The following PDE10A variants were observed in gnomAD, a reference collection of about 807,000 sequenced individuals.
PDE10A encodes the protein cAMP and cAMP-inhibited cGMP 3',5'-cyclic phosphodiesterase 10A.
In PDE10A, 39 loss-of-function variants were observed where a neutral mutation model predicts 97.7. The ratio of observed to expected loss-of-function variants is 0.40; its 90% confidence interval spans 0.31 to 0.52. The LOEUF (loss-of-function observed/expected upper bound fraction) is 0.52. PDE10A is among the 20% of genes least tolerant of loss of function. The pLI, the probability that PDE10A is intolerant of heterozygous loss-of-function variation, is 0.56. For missense variants in PDE10A, 731 were observed against 1,047.8 expected (o/e 0.70, Z 4.17); for synonymous variants, 371 against 376.8 (o/e 0.98, Z 0.18).
chr6:165,467,506 G>T (rs1236218143), intron 3 of PDE10A, among the ~76,000 whole-genome samples: 1 of 152,120 alleles, frequency 6.6e-6, no homozygotes, highest in Admixed American at 6.5e-5. Context: ...GGGCCCATAA[G>T]AATTATGCTA....
chr6:165,672,637 G>T (rs772968487), intron 1 of PDE10A, among the ~76,000 whole-genome samples: 6 of 152,126 alleles, frequency 3.9e-5, no homozygotes, highest in Non-Finnish European at 5.9e-5. Context: ...TAGTGCTAAG[G>T]GGAAACCCCT....
At position 165,328,254 on chromosome 6, in the gene PDE10A, G is replaced by A. The variant is rs1445822400; in HGVS notation, c.*4771C>T. On this transcript the variant is annotated 3_prime_UTR_variant, in exon 22 of 22. Coordinates refer to ENST00000539869, the MANE Select transcript of PDE10A (RefSeq NM_001385079.1). Reference sequence around the variant, plus strand: ...CTATCAGAGATACAGCATAGGACTGGGTATTAAGGTGACTAAAGAAAAAGA... The same window carrying A: ...CTATCAGAGATACAGCATAGGACTGAGTATTAAGGTGACTAAAGAAAAAGA... 1.3e-5 allele frequency: 2 copies of A among 152,046 alleles called. No individual in the cohort carries two copies. Among genetic ancestry groups the A allele is most frequent in the African/African-American group, 2.4e-5 (1 of 41,394 alleles). The allele number at this position is 152,046 out of a possible 1,614,324, so 9.4% of individuals were successfully genotyped here. A position where few individuals can be genotyped will look rare whatever the true frequency, so the allele number is the denominator to read the frequency against.
At chr6:165,849,309 C>A (rs1407119476) in intron 1 of PDE10A, among the ~76,000 whole-genome samples, 1 of 152,152 alleles carries the variant, frequency 6.6e-6, no homozygotes, top group African/African-American at 2.4e-5. Flanking sequence ...CTATGAAAAA[C>A]ATTGCTGTTA....
intron 1 of PDE10A, among the ~76,000 whole-genome samples, chr6:165,648,858 A>G (rs917975331): frequency 6.6e-6 from 1 of 152,218 alleles, no homozygotes; most frequent in Non-Finnish European, 1.5e-5. Flanking sequence ...ACACAAAGGC[A>G]TTCCGGGTGG....
intron 2 of PDE10A, among the ~76,000 whole-genome samples, chr6:165,491,779 T>C (rs1780241689): frequency 6.6e-6 from 1 of 151,574 alleles, no homozygotes. Flanking sequence ...AGGTAGACAA[T>C]CTAAGGTCAC....
intron 1 of PDE10A, among the ~76,000 whole-genome samples, chr6:165,770,521 G>GT (rs1231705836): frequency 1.3e-5 from 2 of 152,174 alleles, no homozygotes; most frequent in Admixed American, 6.5e-5. Context: ...AAGAAGTGAT[G>GT]TAAGTTGTAA....
In PDE10A at chr6:165,623,506, G is replaced by GAAA. The variant is rs113415096; in HGVS notation, c.865+38440_865+38441insTTT. Among the ~76,000 whole-genome samples the GAAA allele has an allele frequency of 3.9e-3, 575 of 145,812 alleles. 5 individuals are homozygous for GAAA. Among genetic ancestry groups the GAAA allele is most frequent in the African/African-American group, 0.014 (544 of 39,574 alleles). ...AATTGATGACAGAGGGAGAGAGAGA[G>GAAA]AGAAAAAAAACAGATAAACCTAAAC... On this transcript the variant is annotated intron_variant, in intron 1 of 21. Transcript: ENST00000539869.
At chr6:165,380,654 C>T (rs941213748) in intron 17 of PDE10A, among the ~76,000 whole-genome samples, 5 of 152,188 alleles carry the variant, frequency 3.3e-5, no homozygotes, top group African/African-American at 1.2e-4. Flanking sequence ...AGAGTTCCCA[C>T]ATGGATTGTA....
intron 1 of PDE10A, among the ~76,000 whole-genome samples, chr6:165,601,008 T>G (rs1274254186): frequency 6.6e-6 from 1 of 152,232 alleles, no homozygotes. Flanking sequence ...CACCCAAATC[T>G]CAACTTGAAT....
chr6:165,913,912 C>G (rs1188696852), intron 1 of PDE10A, among the ~76,000 whole-genome samples: 1 of 152,248 alleles, frequency 6.6e-6, no homozygotes, highest in African/African-American at 2.4e-5. Context: ...ATCTTTTTCT[C>G]CTAACAACTC....
At chr6:165,587,505 C>A (rs139711336) in intron 1 of PDE10A, among the ~76,000 whole-genome samples, 23 of 152,236 alleles carry the variant, frequency 1.5e-4, no homozygotes, top group African/African-American at 5.3e-4. Flanking sequence ...AAAGGAATTA[C>A]TCATTTAATT....
intron 1 of PDE10A, among the ~76,000 whole-genome samples, chr6:165,941,379 C>G (rs1783512335): frequency 6.6e-6 from 1 of 152,210 alleles, no homozygotes; most frequent in Non-Finnish European, 1.5e-5. Context: ...GAGACTCCCT[C>G]CATGAGCTCT....
At chr6:165,936,310 G>T (rs76057161) in intron 1 of PDE10A, among the ~76,000 whole-genome samples, 3 of 152,184 alleles carry the variant, frequency 2.0e-5, no homozygotes, top group South Asian at 2.1e-4. Context: ...GAACCATGGA[G>T]AGAATGTGGA....
chr6:165,908,201 A>T (rs1782351452), intron 1 of PDE10A, among the ~76,000 whole-genome samples: 2 of 152,196 alleles, frequency 1.3e-5, no homozygotes, highest in Non-Finnish European at 2.9e-5. Context: ...AAGCCACAGG[A>T]AGGAGTCGGG....
At chr6:165,681,243 A>G (rs780347469) in intron 1 of PDE10A, among the ~76,000 whole-genome samples, 8 of 152,242 alleles carry the variant, frequency 5.3e-5, no homozygotes, top group Non-Finnish European at 1.2e-4. Context: ...GATGGTCAAC[A>G]AATATATTTG....
intron 1 of PDE10A, among the ~76,000 whole-genome samples, chr6:165,919,124 G>C (rs557516406): frequency 1.3e-5 from 2 of 152,118 alleles, no homozygotes; most frequent in African/African-American, 4.8e-5. Flanking sequence ...CTTCCTTTTG[G>C]CTTTGTCAAC....
intron 1 of PDE10A, among the ~76,000 whole-genome samples, chr6:165,906,881 C>T (rs1489956173): frequency 1.3e-5 from 2 of 152,160 alleles, no homozygotes; most frequent in Non-Finnish European, 2.9e-5. Context: ...CAAAGTCACA[C>T]GGTAGATCGG....
rs1404057218 is a variant in PDE10A, at chr6:165,662,564, G to A, written c.248C>T (p.Ala83Val). The A allele has an allele frequency of 1.4e-5, 2 of 147,412 alleles. No homozygotes were observed. The highest frequency in any genetic ancestry group is 3.0e-5 in the Non-Finnish European group (2 of 66,544). The allele number at this position is 147,412 out of a possible 1,614,324, so 9.1% of individuals were successfully genotyped here. A position where few individuals can be genotyped will look rare whatever the true frequency, so the allele number is the denominator to read the frequency against. Residue 83 changes from alanine to valine, a missense_variant, in exon 1 of 22, where the codon GCC becomes GTC. Coordinates refer to ENST00000539869, the MANE Select transcript of PDE10A (RefSeq NM_001385079.1). ...GRPSPAGGPGALSARGGGCGW... is the reference protein window; with the variant it reads ...GRPSPAGGPGVLSARGGGCGW... ...GCAGCCGCCGCCGCGCGCAGAGAGGGCGCCGGGGCCCCCAGCGGGGCTGGG... is the reference window on the plus strand; with the variant it reads ...GCAGCCGCCGCCGCGCGCAGAGAGGACGCCGGGGCCCCCAGCGGGGCTGGG...
chr6:165,344,991 TTTTGGA>T lies in PDE10A; in HGVS notation c.2784-1495_2784-1490del, dbSNP rs925549685. Among the ~76,000 whole-genome samples the T allele has an allele frequency of 5.4e-4, 82 of 152,204 alleles. 4 individuals carry two copies. Among genetic ancestry groups the T allele is most frequent in the Non-Finnish European group, 2.9e-5 (2 of 68,028 alleles). ...AACTTTGTGTCTTGAAGATATTTAT[TTTTGGA>T]TTTGAACTTCTAACGTAATGAATAT... On this transcript the variant is annotated intron_variant, in intron 18 of 21. Transcript: ENST00000539869.
Sources: gnomAD v4.1 joint callset for allele counts (sites outside exome capture counted in the v4.1 genomes callset) on GRCh38, gnomAD v4.1.1 for gene constraint, MANE v1.5 for transcripts, NCBI Gene and HGNC (gene_info 2026-07-23, HGNC 2026-07-21) for gene names.